CTTNBP2: variants seen among roughly 807,000 people sequenced by gnomAD.
CTTNBP2 encodes cortactin-binding protein 2.
CTTNBP2 carries 108 observed loss-of-function variants against 156.9 expected under a neutral mutation model. The observed-to-expected ratio is 0.69, with a 90% CI of 0.59 to 0.81. CTTNBP2 has a LOEUF of 0.81. CTTNBP2 is among the 30% of genes least tolerant of loss of function. The pLI, the probability that CTTNBP2 is intolerant of heterozygous loss-of-function variation, is 0.00. For missense variants in CTTNBP2, 1,924 were observed against 2,035.4 expected (o/e 0.95, Z 1.05); for synonymous variants, 767 against 751.8 (o/e 1.02, Z -0.33).
At position 117,843,491 on chromosome 7, in the gene CTTNBP2, C is replaced by T. The variant is rs552608418; in HGVS notation, c.189+17718G>A. On this transcript the variant is annotated intron_variant, in intron 2 of 22. Coordinates refer to ENST00000160373, the MANE Select transcript of CTTNBP2 (RefSeq NM_033427.3). ...CTACAGGTCCATTTAGGAGAGCTTT[C>T]CAGACAGAGGAAACAAATATGAAAG... is the stretch of plus-strand genomic sequence containing the variant. Among the ~76,000 whole-genome samples the T allele has an allele frequency of 4.6e-5, 7 of 152,220 alleles. No homozygotes were observed. In the South Asian group the frequency reaches 1.5e-3, roughly 32 times the overall value.
rs185538459 is a variant in CTTNBP2 at position 117,742,583 on chromosome 7, G to A, written c.3535+3248C>T. The stretch of plus-strand genomic sequence containing the variant: ...AGAAGAAACAAGAGACAGAGAAACC[G>A]TCTATGTAAAAGTGAGGAGTTCCAG... On this transcript the variant is annotated intron_variant, in intron 14 of 22. Coordinates refer to ENST00000160373, the MANE Select transcript of CTTNBP2 (RefSeq NM_033427.3). Among the ~76,000 whole-genome samples, 17 of 152,214 alleles carry A rather than the reference G, an allele frequency of 1.1e-4. No homozygotes were observed. In the East Asian group the frequency reaches 1.7e-3, roughly 16 times the overall value.
chr7:117,808,662 T>C (rs1800086797), intron 3 of CTTNBP2, among the ~76,000 whole-genome samples: 1 of 152,198 alleles, frequency 6.6e-6, no homozygotes, highest in Admixed American at 6.5e-5. Flanking sequence ...TTCCCAGACA[T>C]TTGCTCTGGC....
chr7:117,755,510 T>C (rs779775821), intron 12 of CTTNBP2: 3 of 469,746 alleles, frequency 6.4e-6, no homozygotes, highest in South Asian at 4.7e-5. Context: ...TGCACAATCC[T>C]GGCTTCATCA....
chr7:117,777,467 T>C, intron 8 of CTTNBP2, 44 bp downstream of exon 8: 1 of 1,583,084 alleles, frequency 6.3e-7, no homozygotes, highest in South Asian at 1.1e-5. Context: ...TTGCTGCTCA[T>C]CAAATTACAG....
intron 15 of CTTNBP2, 53 bp downstream of exon 15, chr7:117,735,216 A>G: frequency 1.9e-6 from 3 of 1,597,062 alleles, no homozygotes; most frequent in Non-Finnish European, 2.6e-6. Flanking sequence ...AAACAGAAAG[A>G]TTAGAATATT....
Position 117,711,504 on chromosome 7 carries a change from A to T in CTTNBP2, c.*33T>A. ...TGTCCTTGGTTTCTGTGTGAAATAG[A>T]GGAAGTTAATAATGAGAATATTGTA... On this transcript the variant is annotated 3_prime_UTR_variant, in exon 23 of 23. Transcript: ENST00000160373. 6.3e-7 allele frequency: 1 copy of T among 1,584,568 alleles called. No individual in the cohort carries two copies. The highest frequency in any genetic ancestry group is 8.6e-7 in the Non-Finnish European group (1 of 1,167,740).
Position 117,710,987 on chromosome 7 carries a change from TTAAC to T in CTTNBP2, c.*546_*549del, listed in dbSNP as rs1476322960. The T allele has an allele frequency of 6.6e-6, 1 of 152,632 alleles. No individual in the cohort carries two copies. Among genetic ancestry groups the T allele is most frequent in the East Asian group, 1.9e-4 (1 of 5,202 alleles). 9.5% of individuals were successfully genotyped at this position (152,632 alleles called of 1,614,324 possible). On this transcript the variant is annotated 3_prime_UTR_variant, in exon 23 of 23. Coordinates refer to ENST00000160373, the MANE Select transcript of CTTNBP2 (RefSeq NM_033427.3). ...GAGATTTAAAACATAAAACTAGAAT[TTAAC>T]AAGCAAAATACTTAATATGGCTTTT...
intron 22 of CTTNBP2, chr7:117,714,077 A>G (rs927672381): frequency 1.3e-4 from 20 of 152,232 alleles, no homozygotes; most frequent in African/African-American, 4.6e-4. Context: ...CTGGTGAGGG[A>G]ACACATCCTA....
Position 117,791,309 on chromosome 7 carries a change from T to C in CTTNBP2, c.1887A>G (p.Ser629=), listed in dbSNP as rs201873379. 1 of 1,614,150 alleles carries C rather than the reference T, an allele frequency of 6.2e-7. No individual in the cohort carries two copies. The highest frequency in any genetic ancestry group is 8.5e-7 in the Non-Finnish European group (1 of 1,180,030). Reference sequence around the variant, plus strand: ...CACCCACCTGAGACGTGGCCAGGGCTGAAACGGCACAGCCTGCAGGTGCCA... The same window carrying C: ...CACCCACCTGAGACGTGGCCAGGGCCGAAACGGCACAGCCTGCAGGTGCCA... ...LTVAPAGCAV[S]ALATSQVGAW... is the part of the protein sequence containing the mutation. Residue 629 remains serine, a synonymous_variant, in exon 4 of 23, where the codon TCA becomes TCG. Coordinates refer to ENST00000160373, the MANE Select transcript of CTTNBP2 (RefSeq NM_033427.3).
chr7:117,803,995 C>T (rs1259775119), intron 3 of CTTNBP2, among the ~76,000 whole-genome samples: 3 of 152,126 alleles, frequency 2.0e-5, no homozygotes, highest in Admixed American at 6.5e-5. Context: ...GATAGGGTCT[C>T]GCTGTTGCCC....
At chr7:117,775,210 GC>G (rs1798026047) in intron 8 of CTTNBP2, among the ~76,000 whole-genome samples, 1 of 152,110 alleles carries the variant, frequency 6.6e-6, no homozygotes, top group Non-Finnish European at 1.5e-5. Context: ...TAATAGCCTA[GC>G]AGTGTGTGAA....
In CTTNBP2 at chr7:117,861,990, C is replaced by T. The variant is rs566206488; in HGVS notation, c.82-674G>A. On this transcript the variant is annotated intron_variant, in intron 1 of 22. Coordinates refer to ENST00000160373, the MANE Select transcript of CTTNBP2 (RefSeq NM_033427.3). ...TCCTCAGGGCAATAATCCACCGAGC[C>T]AGGAAGTAGCTGCCCCTTTAGAAGG... Among the ~76,000 whole-genome samples, 45 of 152,150 alleles carry T rather than the reference C, an allele frequency of 3.0e-4. 1 individual carries two copies. Among genetic ancestry groups the T allele is most frequent in the African/African-American group, 1.1e-3 (44 of 41,522 alleles).
intron 19 of CTTNBP2, among the ~76,000 whole-genome samples, chr7:117,724,243 T>G (rs1303965544): frequency 2.0e-5 from 3 of 152,116 alleles, no homozygotes; most frequent in Non-Finnish European, 4.4e-5. Flanking sequence ...TATTATGTAA[T>G]AATGCAATGA....
intron 20 of CTTNBP2, 110 bp from the exon 21 acceptor site, chr7:117,719,746 T>A: frequency 1.3e-6 from 1 of 785,194 alleles, no homozygotes; most frequent in Non-Finnish European, 2.0e-6. Flanking sequence ...AAAATGTTTT[T>A]AATAGCCTTT....
At position 117,767,103 on chromosome 7, in the gene CTTNBP2, T is replaced by A; in HGVS notation, c.2852A>T (p.His951Leu). ...ERRDKCNRTV[H>L]DVATDDCKHL... The stretch of plus-strand genomic sequence containing the variant: ...CTTGCAGTCATCAGTGGCAACATCA[T>A]GCACAGTCCGATTGCACTTGTCTCT... The change falls in exon 9 of 23, where the codon CAT becomes CTT. Residue 951 changes from histidine (H) to leucine (L), a missense_variant. Coordinates refer to ENST00000160373, the MANE Select transcript of CTTNBP2 (RefSeq NM_033427.3). 1 of 1,612,458 alleles carries A rather than the reference T, an allele frequency of 6.2e-7. No homozygotes were observed. The highest frequency in any genetic ancestry group is 2.2e-5 in the East Asian group (1 of 44,866).
At chr7:117,809,824 G>C (rs372968804) in intron 3 of CTTNBP2, among the ~76,000 whole-genome samples, 22 of 152,064 alleles carry the variant, frequency 1.4e-4, no homozygotes, top group African/African-American at 5.1e-4. Flanking sequence ...TTACATATGA[G>C]ATATCAGAAG....
At chr7:117,813,390 T>C (rs1226088399) in intron 2 of CTTNBP2, among the ~76,000 whole-genome samples, 2 of 152,200 alleles carry the variant, frequency 1.3e-5, no homozygotes, top group Admixed American at 6.5e-5. Flanking sequence ...GGGGCCCTTC[T>C]AAATGCATGG....
intron 2 of CTTNBP2, among the ~76,000 whole-genome samples, chr7:117,821,144 G>A (rs948873107): frequency 3.3e-5 from 5 of 151,950 alleles, no homozygotes; most frequent in African/African-American, 9.7e-5. Flanking sequence ...TGAAGATTAC[G>A]TAGAATTTTT....
At chr7:117,796,578 A>T (rs1799332170) in intron 3 of CTTNBP2, among the ~76,000 whole-genome samples, 1 of 152,212 alleles carries the variant, frequency 6.6e-6, no homozygotes, top group Non-Finnish European at 1.5e-5. Context: ...GTTCTGTATG[A>T]TCCTAATTAT....
Sources: gnomAD v4.1 joint callset for allele counts (sites outside exome capture counted in the v4.1 genomes callset) on GRCh38, gnomAD v4.1.1 for gene constraint, MANE v1.5 for transcripts, NCBI Gene and HGNC (gene_info 2026-07-23, HGNC 2026-07-21) for gene names.